The following PELI2 variants were observed in gnomAD, a reference collection of about 807,000 sequenced individuals.
The protein encoded by PELI2 is pellino E3 ubiquitin protein ligase family member 2.
A neutral mutation model predicts 42.3 loss-of-function variants in PELI2; 23 were observed. That is an observed-to-expected ratio of 0.54 (90% CI 0.39 to 0.77). PELI2 has a LOEUF of 0.77. PELI2 is among the 30% of genes least tolerant of loss of function. The pLI is 0.00. For synonymous variants in PELI2, 245 were observed against 212.2 expected, an observed-to-expected ratio of 1.15 and a Z score of -1.34; for missense variants, 463 against 553.2, an observed-to-expected ratio of 0.84 and a Z score of 1.64.
At chr14:56,171,155 C>T (rs1379629700) in intron 1 of PELI2, among the ~76,000 whole-genome samples, 1 of 152,136 alleles carries the variant, frequency 6.6e-6, no homozygotes, top group African/African-American at 2.4e-5. Flanking sequence ...GAATGTGCCC[C>T]TCAAAGTTCA....
chr14:56,246,194 G>T (rs937703933), intron 2 of PELI2, among the ~76,000 whole-genome samples: 10 of 152,122 alleles, frequency 6.6e-5, no homozygotes, highest in African/African-American at 2.4e-4. Context: ...AACAGAGGTT[G>T]TAAAGTTTGC....
At chr14:56,232,581 ATAAAC>A (rs1887625037) in intron 2 of PELI2, among the ~76,000 whole-genome samples, 1 of 152,092 alleles carries the variant, frequency 6.6e-6, no homozygotes, top group African/African-American at 2.4e-5. Flanking sequence ...AAAACTCTCA[ATAAAC>A]TAGGTATCAA....
chr14:56,118,628 TCGGCGG>T lies in PELI2; in HGVS notation c.-27_-22del. ...GGGGATCGCGGCGGAGGCGGCGGCGTCGGCGGCGGCGTCGGCGGCCGAGCGGGGCTC... is the reference window on the plus strand; with the variant it reads ...GGGGATCGCGGCGGAGGCGGCGGCGTCGGCGTCGGCGGCCGAGCGGGGCTC... On this transcript the variant is annotated 5_prime_UTR_variant, in exon 1 of 6. Coordinates refer to ENST00000267460, the MANE Select transcript of PELI2 (RefSeq NM_021255.3). The T allele has an allele frequency of 7.7e-7, 1 of 1,297,684 alleles. No individual in the cohort carries two copies. Among genetic ancestry groups the T allele is most frequent in the Non-Finnish European group, 1.0e-6 (1 of 1,001,298 alleles). 80.4% of individuals were successfully genotyped at this position (1,297,684 alleles called of 1,614,324 possible). A position where few individuals can be genotyped will look rare whatever the true frequency, so the allele number is the denominator to read the frequency against.
Position 56,290,916 on chromosome 14 carries a change from G to C in PELI2, c.696+460G>C, listed in dbSNP as rs77162056. ...TTCCCTTTGAATTCCTATATATTAA[G>C]GCAGAATTCTCTATACTGTCCACCA... On this transcript the variant is annotated intron_variant, in intron 5 of 5. Coordinates refer to ENST00000267460, the MANE Select transcript of PELI2 (RefSeq NM_021255.3). 3.4e-3 allele frequency among the ~76,000 whole-genome samples: 518 copies of C among 152,246 alleles called. 1 individual carries two copies. The highest frequency in any genetic ancestry group is 0.012 in the African/African-American group (495 of 41,524).
chr14:56,118,770 G>T, intron 1 of PELI2, 33 bp downstream of exon 1: 1 of 1,412,356 alleles, frequency 7.1e-7, no homozygotes, highest in Non-Finnish European at 9.5e-7. Flanking sequence ...CCGGGCAGCG[G>T]CGCGGGCGGG....
rs1887146574 is a variant in PELI2 at position 56,221,902 on chromosome 14, CAT to C, written c.207+43439_207+43440del. On this transcript the variant is annotated intron_variant, in intron 2 of 5. Transcript: ENST00000267460. ...GAGCTTAGCATACGTATCCTGATAA[CAT>C]GTGACAGCCACGAGAGGAACTCCAT... Among the ~76,000 whole-genome samples, 4 of 152,284 alleles carry C rather than the reference CAT, an allele frequency of 2.6e-5. No individual in the cohort carries two copies. The South Asian group carries it at 8.3e-4, about 32-fold the overall frequency.
intron 3 of PELI2, among the ~76,000 whole-genome samples, chr14:56,284,246 A>G (rs1011038048): frequency 6.6e-6 from 1 of 152,242 alleles, no homozygotes; most frequent in African/African-American, 2.4e-5. Context: ...ATATAATCAG[A>G]GTAAGATCTT....
intron 1 of PELI2, among the ~76,000 whole-genome samples, chr14:56,142,901 CAG>C (rs1344048951): frequency 1.3e-5 from 2 of 152,006 alleles, no homozygotes; most frequent in African/African-American, 4.8e-5. Context: ...TTCAACTATA[CAG>C]AGAGTTCCCA....
chr14:56,203,645 A>G (rs1285948754), intron 2 of PELI2, among the ~76,000 whole-genome samples: 10 of 152,184 alleles, frequency 6.6e-5, no homozygotes, highest in Admixed American at 2.0e-4. Context: ...TTAGCCTGAT[A>G]ATTCATTAAC....
At chr14:56,138,092 C>T (rs1883749965) in intron 1 of PELI2, among the ~76,000 whole-genome samples, 2 of 152,194 alleles carry the variant, frequency 1.3e-5, no homozygotes, top group Non-Finnish European at 2.9e-5. Context: ...CCTTACCTCT[C>T]CCCAGCCCGC....
At chr14:56,129,496 C>G (rs1051870798) in intron 1 of PELI2, among the ~76,000 whole-genome samples, 2 of 152,190 alleles carry the variant, frequency 1.3e-5, no homozygotes, top group African/African-American at 2.4e-5. Context: ...AGAACTCTTT[C>G]CTGTTACCCA....
At chr14:56,172,481 G>A (rs997944412) in intron 1 of PELI2, among the ~76,000 whole-genome samples, 3 of 152,228 alleles carry the variant, frequency 2.0e-5, no homozygotes, top group African/African-American at 7.2e-5. Context: ...ACCTCTTAGT[G>A]GGAGAAGAAG....
At chr14:56,272,499 T>C (rs1245992002) in intron 2 of PELI2, among the ~76,000 whole-genome samples, 4 of 152,194 alleles carry the variant, frequency 2.6e-5, no homozygotes, top group Non-Finnish European at 5.9e-5. Flanking sequence ...AGCAGCCTCA[T>C]AGTTTCTAAC....
chr14:56,235,197 A>G (rs1327937640), intron 2 of PELI2, among the ~76,000 whole-genome samples: 2 of 152,158 alleles, frequency 1.3e-5, no homozygotes, highest in Non-Finnish European at 2.9e-5. Flanking sequence ...CTAATAGTTA[A>G]TATTCCTTTA....
At chr14:56,256,975 C>A (rs191163772) in intron 2 of PELI2, among the ~76,000 whole-genome samples, 5 of 152,268 alleles carry the variant, frequency 3.3e-5, no homozygotes, top group Admixed American at 2.0e-4. Context: ...CTTTGATAAA[C>A]ATTGAAGTTT....
At chr14:56,234,955 A>C (rs182755773) in intron 2 of PELI2, among the ~76,000 whole-genome samples, 133 of 152,224 alleles carry the variant, frequency 8.7e-4, no homozygotes, top group Non-Finnish European at 7.6e-4. Flanking sequence ...AGGAAGTTGG[A>C]TCTTCCCAAC....
intron 2 of PELI2, among the ~76,000 whole-genome samples, chr14:56,264,770 A>G (rs1888838234): frequency 6.6e-6 from 1 of 152,236 alleles, no homozygotes; most frequent in African/African-American, 2.4e-5. Flanking sequence ...ACAGAAAACA[A>G]TTATTTGATC....
chr14:56,248,201 C>T (rs746805991), intron 2 of PELI2, among the ~76,000 whole-genome samples: 11 of 152,106 alleles, frequency 7.2e-5, no homozygotes, highest in Non-Finnish European at 1.2e-4. Context: ...TAATTTTCAG[C>T]GTCTACCATG....
At chr14:56,168,672 G>A (rs1885056118) in intron 1 of PELI2, among the ~76,000 whole-genome samples, 4 of 151,970 alleles carry the variant, frequency 2.6e-5, no homozygotes, top group Admixed American at 2.6e-4. Flanking sequence ...CCCCCCTGTG[G>A]CCGTGCTGGT....
Sources: allele counts gnomAD v4.1 joint callset (sites outside exome capture counted in the v4.1 genomes callset), GRCh38; gene constraint gnomAD v4.1.1; transcripts MANE v1.5; gene names NCBI Gene and HGNC (gene_info 2026-07-23, HGNC 2026-07-21).